Variants in PCDH15 observed in about 807,000 individuals in gnomAD.
The protein encoded by PCDH15 is protocadherin related 15.
Under a neutral mutation model 178.5 loss-of-function variants are expected in PCDH15, and 129 were observed. The ratio of observed to expected loss-of-function variants is 0.72; its 90% CI spans 0.63 to 0.84. PCDH15 has a LOEUF of 0.84. Ranked by LOEUF, PCDH15 falls within the 40% of genes least tolerant of loss-of-function variation. PCDH15 has a pLI of 0.00. For missense variants in PCDH15, 2,230 were observed against 2,099.9 expected (o/e 1.06, Z -1.21); for synonymous variants, 800 against 732.0 (o/e 1.09, Z -1.50).
At chr10:54,317,217 C>G in intron 8 of PCDH15, 54 bp downstream of exon 8, 1 of 1,554,716 alleles carries the variant, frequency 6.4e-7, no homozygotes, top group Non-Finnish European at 8.9e-7. Context: ...TGAACATGAT[C>G]CCATTGGGTT....
chr10:54,627,425 T>A (rs1044536435), intron 2 of PCDH15, among the ~76,000 whole-genome samples: 1 of 152,154 alleles, frequency 6.6e-6, no homozygotes, highest in Non-Finnish European at 1.5e-5. Flanking sequence ...TGATAGTGAA[T>A]GGGTCTCACG....
At chr10:55,461,544 T>C (rs996557236) in intron 2 of PCDH15, among the ~76,000 whole-genome samples, 8 of 151,830 alleles carry the variant, frequency 5.3e-5, no homozygotes, top group Non-Finnish European at 7.4e-5. Flanking sequence ...CAGAATTTGA[T>C]CTTATTTCTA....
chr10:55,620,438 C>A (rs1387717479), intron 2 of PCDH15, among the ~76,000 whole-genome samples: 2 of 151,948 alleles, frequency 1.3e-5, no homozygotes, highest in East Asian at 1.9e-4. Flanking sequence ...TACACATCTA[C>A]AGAAGTTTAA....
chr10:53,870,283 C>A (rs1202214891), intron 26 of PCDH15, among the ~76,000 whole-genome samples: 1 of 152,080 alleles, frequency 6.6e-6, no homozygotes, highest in Non-Finnish European at 1.5e-5. Context: ...TGGAACTAGA[C>A]AATTTAACTC....
intron 2 of PCDH15, among the ~76,000 whole-genome samples, chr10:55,495,315 A>C (rs560140327): frequency 6.6e-6 from 1 of 151,862 alleles, no homozygotes; most frequent in African/African-American, 2.4e-5. Context: ...ACATTAACTA[A>C]GTCAAAAGGA....
intron 8 of PCDH15, among the ~76,000 whole-genome samples, chr10:54,263,981 C>A (rs1430832646): frequency 6.6e-6 from 1 of 152,074 alleles, no homozygotes; most frequent in Non-Finnish European, 1.5e-5. Context: ...TCATCTTTAT[C>A]CCATGCTGGA....
At chr10:54,686,995 A>G (rs2095024140) in intron 1 of PCDH15, among the ~76,000 whole-genome samples, 2 of 152,194 alleles carry the variant, frequency 1.3e-5, no homozygotes, top group Non-Finnish European at 2.9e-5. Context: ...TCCCCAAAAG[A>G]ACTATAAATA....
chr10:54,148,191 A>T (rs148514278), intron 14 of PCDH15, among the ~76,000 whole-genome samples: 71 of 152,092 alleles, frequency 4.7e-4, no homozygotes, highest in African/African-American at 1.6e-3. Context: ...TAGATTCTGT[A>T]ACTACTCAAT....
At chr10:54,778,168 T>G (rs1949908834) in intron 1 of PCDH15, among the ~76,000 whole-genome samples, 1 of 152,226 alleles carries the variant, frequency 6.6e-6, no homozygotes, top group Non-Finnish European at 1.5e-5. Flanking sequence ...AGAATGTTGC[T>G]AACACAAATG....
intron 8 of PCDH15, among the ~76,000 whole-genome samples, chr10:54,297,712 C>T (rs1004857162): frequency 4.6e-5 from 7 of 152,154 alleles, no homozygotes; most frequent in African/African-American, 1.7e-4. Flanking sequence ...AACGTGGGTA[C>T]ATGTCCCCTT....
intron 2 of PCDH15, among the ~76,000 whole-genome samples, chr10:54,940,184 T>A (rs1838024684): frequency 6.6e-6 from 1 of 152,152 alleles, no homozygotes; most frequent in African/African-American, 2.4e-5. Flanking sequence ...AGATATAAAT[T>A]TCATTCTAAG....
At chr10:54,845,437 T>C (rs930177301) in intron 3 of PCDH15, among the ~76,000 whole-genome samples, 12 of 152,044 alleles carry the variant, frequency 7.9e-5, no homozygotes, top group African/African-American at 2.7e-4. Flanking sequence ...GAATGAAACA[T>C]GTTTTGGATT....
intron 1 of PCDH15, among the ~76,000 whole-genome samples, chr10:55,186,437 T>A (rs1208525799): frequency 6.6e-6 from 1 of 151,268 alleles, no homozygotes; most frequent in Admixed American, 6.6e-5. Flanking sequence ...TAAATACATA[T>A]ATATACAATA....
At position 54,389,301 on chromosome 10, in the gene PCDH15, A is replaced by G. The variant is rs147175463; in HGVS notation, c.158-10359T>C. Among the ~76,000 whole-genome samples the G allele has an allele frequency of 5.4e-3, 823 of 152,316 alleles. 7 individuals carry two copies. The highest frequency in any genetic ancestry group is 0.019 in the African/African-American group (780 of 41,562). On this transcript the variant is annotated intron_variant, in intron 3 of 37. Transcript: ENST00000644397. ...AGGCTGGTTTATCAGATTACACATG[A>G]AGATAAATTCATTGCACATTTCCAT...
chr10:55,281,667 T>C (rs1208297288), intron 1 of PCDH15, among the ~76,000 whole-genome samples: 1 of 152,124 alleles, frequency 6.6e-6, no homozygotes, highest in Non-Finnish European at 1.5e-5. Flanking sequence ...TCCGCACCAA[T>C]CATCATCTCC....
At chr10:53,888,257 T>G (rs771597488) in intron 26 of PCDH15, among the ~76,000 whole-genome samples, 1 of 138,872 alleles carries the variant, frequency 7.2e-6, no homozygotes, top group Non-Finnish European at 1.5e-5. Context: ...TGTAGACCAA[T>G]TGGATACAAA....
rs754772054 is a variant in PCDH15 at position 53,806,850 on chromosome 10, A to T, written c.4952T>A (p.Leu1651Gln). ...LAVTHEENVP[L>Q]NTLSKGPFST... ...AAATGGCCCCTTTGATAATGTGTTC[A>T]GAGGTACATTCTCCTCATGTGTCAC... Residue 1651 changes from leucine to glutamine, a missense_variant, in exon 38 of 38, where the codon CTG (leucine) becomes CAG (glutamine). Leu to Gln is a moderately radical substitution (Grantham distance 113). Coordinates refer to ENST00000644397, the MANE Select transcript of PCDH15 (RefSeq NM_001384140.1). 2 of 1,613,778 alleles carry T rather than the reference A, an allele frequency of 1.2e-6. No homozygotes were observed. The highest frequency in any genetic ancestry group is 1.7e-6 in the Non-Finnish European group (2 of 1,179,834).
At chr10:54,503,628 A>G (rs751170765) in intron 3 of PCDH15, among the ~76,000 whole-genome samples, 2 of 151,986 alleles carry the variant, frequency 1.3e-5, no homozygotes, top group Non-Finnish European at 2.9e-5. Flanking sequence ...GACATACAAG[A>G]ATTTACCTAG....
intron 3 of PCDH15, among the ~76,000 whole-genome samples, chr10:54,520,537 T>C (rs543628553): frequency 1.1e-4 from 17 of 152,236 alleles, no homozygotes; most frequent in African/African-American, 3.6e-4. Flanking sequence ...CCAGTTAGAA[T>C]AGCAATCATT....
Sources: allele counts gnomAD v4.1 joint callset (sites outside exome capture counted in the v4.1 genomes callset), GRCh38; gene constraint gnomAD v4.1.1; transcripts MANE v1.5; gene names NCBI Gene and HGNC (gene_info 2026-07-23, HGNC 2026-07-21).